ACSF3: variants seen among roughly 807,000 people sequenced by gnomAD.
The protein encoded by ACSF3 is malonate--CoA ligase ACSF3, mitochondrial.
In ACSF3, 78 loss-of-function variants were observed where a neutral mutation model predicts 53.2. That is an observed-to-expected ratio of 1.47 (90% confidence interval 1.22 to 1.77). ACSF3 has a LOEUF of 1.77. Among genes scored for constraint, ACSF3 ranks in the 40% most tolerant of loss-of-function variants. ACSF3 has a pLI of 0.00. For missense variants in ACSF3, 937 were observed against 771.1 expected (o/e 1.22, Z -2.55); for synonymous variants, 414 against 333.1 (o/e 1.24, Z -2.65).
chr16:89,111,752 C>T (rs1048606526), intron 4 of ACSF3, among the ~76,000 whole-genome samples: 6 of 152,244 alleles, frequency 3.9e-5, no homozygotes, highest in African/African-American at 1.2e-4. Context: ...TTCAGGTCTG[C>T]GGGCAGCCAG....
intron 10 of ACSF3, chr16:89,148,345 CT>C (rs1248117160): frequency 4.6e-5 from 7 of 152,090 alleles, no homozygotes; most frequent in Non-Finnish European, 8.8e-5. Flanking sequence ...AGTGATCCAC[CT>C]GCCTCAGATT....
chr16:89,102,836 G>T lies in ACSF3; in HGVS notation c.822+77G>T, dbSNP rs553993603. On this transcript the variant is annotated intron_variant, in intron 4 of 10. Coordinates refer to ENST00000614302, the MANE Select transcript of ACSF3 (RefSeq NM_001243279.3). ...CCTGTCGGGGCCAGGGCTCTCAGCC[G>T]CGCCCTCAGCCTAAGCGCCTTTCGC... The T allele has an allele frequency of 1.0e-4, 163 of 1,574,214 alleles. No homozygotes were observed. In the African/African-American group the frequency reaches 2.1e-3, roughly 20 times the overall value.
intron 7 of ACSF3, among the ~76,000 whole-genome samples, chr16:89,125,398 G>A (rs1365658289): frequency 1.3e-5 from 2 of 151,074 alleles, no homozygotes; most frequent in Non-Finnish European, 2.9e-5. Flanking sequence ...TTCTTTTGAG[G>A]TCTTGAATGG....
intron 8 of ACSF3, among the ~76,000 whole-genome samples, chr16:89,139,045 T>C (rs1392645318): frequency 6.6e-6 from 1 of 152,180 alleles, no homozygotes; most frequent in Non-Finnish European, 1.5e-5. Context: ...TTTGCTGCCA[T>C]GGCTTGAGTC....
intron 8 of ACSF3, among the ~76,000 whole-genome samples, chr16:89,138,800 T>A (rs1567735877): frequency 6.6e-6 from 1 of 152,252 alleles, no homozygotes; most frequent in African/African-American, 2.4e-5. Context: ...GGTCTTCAGA[T>A]GTGTCTTAGC....
chr16:89,128,112 T>A (rs2151503815), intron 7 of ACSF3, among the ~76,000 whole-genome samples: 1 of 151,976 alleles, frequency 6.6e-6, no homozygotes, highest in South Asian at 2.1e-4. Flanking sequence ...GCTTTTCTCT[T>A]TTTCTAGTTG....
intron 7 of ACSF3, among the ~76,000 whole-genome samples, chr16:89,125,721 G>A (rs1465474947): frequency 1.1e-5 from 1 of 92,140 alleles, no homozygotes; most frequent in African/African-American, 3.7e-5. Flanking sequence ...AGAGAGAGAT[G>A]TTGATTGGAA....
At chr16:89,109,985 G>A (rs1410552360) in intron 4 of ACSF3, among the ~76,000 whole-genome samples, 2 of 152,192 alleles carry the variant, frequency 1.3e-5, no homozygotes, top group Non-Finnish European at 2.9e-5. Flanking sequence ...TCTTCTTACT[G>A]AGTTGTAAGA....
intron 7 of ACSF3, among the ~76,000 whole-genome samples, chr16:89,127,253 CCT>C (rs1333325930): frequency 6.6e-6 from 1 of 151,784 alleles, no homozygotes. Context: ...AGTGTTCTCT[CCT>C]CTTTTTTTTT....
intron 1 of ACSF3, among the ~76,000 whole-genome samples, chr16:89,094,425 C>T (rs1156513042): frequency 6.6e-6 from 1 of 152,240 alleles, no homozygotes; most frequent in Non-Finnish European, 1.5e-5. Context: ...CACAGGTTCA[C>T]AGCCGGCCTA....
intron 6 of ACSF3, 146 bp downstream of exon 6, chr16:89,114,633 C>A: frequency 8.3e-7 from 1 of 1,208,326 alleles, no homozygotes; most frequent in Non-Finnish European, 1.2e-6. Context: ...CAGGAGAGCA[C>A]TCAGGATGCA....
intron 6 of ACSF3, among the ~76,000 whole-genome samples, chr16:89,120,047 G>A (rs1300887185): frequency 6.6e-6 from 1 of 152,244 alleles, no homozygotes; most frequent in Non-Finnish European, 1.5e-5. Context: ...CGCCAGGGCC[G>A]CACTCCATGA....
chr16:89,101,344 T>C lies in ACSF3; in HGVS notation c.663T>C (p.Ala221=), dbSNP rs1374928980. ...GVLSTHQNIR[A]VVTGLVHKWA... ...TGAGCACGCACCAAAACATCAGGGC[T>C]GTGGTGAGTGCCGCCTGGCGCCGTG... Residue 221 remains alanine (A), a synonymous_variant, in exon 3 of 11, where the codon GCT becomes GCC. Transcript: ENST00000614302. 3.8e-6 allele frequency: 6 copies of C among 1,582,002 alleles called. No individual in the cohort carries two copies. In the East Asian group the frequency reaches 1.2e-4, roughly 31 times the overall value.
intron 8 of ACSF3, among the ~76,000 whole-genome samples, chr16:89,141,684 C>G (rs1248546038): frequency 2.6e-5 from 4 of 152,192 alleles, no homozygotes; most frequent in Non-Finnish European, 4.4e-5. Flanking sequence ...CTGGAAGGAG[C>G]TCCAGGCAGC....
At chr16:89,118,561 AAG>A (rs34894187) in intron 6 of ACSF3, among the ~76,000 whole-genome samples, 1 of 151,716 alleles carries the variant, frequency 6.6e-6, no homozygotes. Flanking sequence ...CCGTGCTCGG[AAG>A]AGAGAGAAGC....
intron 10 of ACSF3, chr16:89,150,978 G>T (rs1002589366): frequency 7.8e-7 from 1 of 1,283,596 alleles, no homozygotes. Context: ...GATATCCAGG[G>T]AGGAAATTCA....
At chr16:89,122,849 C>G (rs574379554) in intron 7 of ACSF3, 1 of 152,274 alleles carries the variant, frequency 6.6e-6, no homozygotes, top group Admixed American at 6.5e-5. Flanking sequence ...CATTGGCTGC[C>G]GCGCCACCTG....
At chr16:89,150,196 G>C (rs1913833291) in intron 10 of ACSF3, 2 of 152,338 alleles carry the variant, frequency 1.3e-5, no homozygotes, top group Admixed American at 1.3e-4. Flanking sequence ...CCTCCACCCT[G>C]ACTTGCCGTC....
At position 89,098,663 on chromosome 16, in the gene ACSF3, C is replaced by G; in HGVS notation, c.-121C>G. On this transcript the variant is annotated 5_prime_UTR_variant, in exon 2 of 11. Transcript: ENST00000614302. Reference sequence around the variant, plus strand: ...CCAGGAGGATGAGCATTTGCATTGCCTGCACCTTATCGTGCCCTTCCACCT... The same window carrying G: ...CCAGGAGGATGAGCATTTGCATTGCGTGCACCTTATCGTGCCCTTCCACCT... 4.4e-6 allele frequency: 2 copies of G among 454,170 alleles called. No individual in the cohort carries two copies. The highest frequency in any genetic ancestry group is 3.1e-5 in the South Asian group (2 of 64,482). The allele number at this position is 454,170 out of a possible 1,614,324, so 28.1% of individuals were successfully genotyped here.
Sources: allele counts gnomAD v4.1 joint callset (sites outside exome capture counted in the v4.1 genomes callset), GRCh38; gene constraint gnomAD v4.1.1; transcripts MANE v1.5; gene names NCBI Gene and HGNC (gene_info 2026-07-23, HGNC 2026-07-21).